Variants in AACS observed in about 807,000 individuals in gnomAD.
AACS encodes acetoacetyl-CoA synthetase, also known as acetoacetate-CoA ligase.
AACS carries 69 observed loss-of-function variants against 83.1 expected under a neutral mutation model. The ratio of observed to expected loss-of-function variants is 0.83; its 90% CI spans 0.68 to 1.01. The LOEUF (loss-of-function observed/expected upper bound fraction) is 1.01. Ranked by LOEUF, AACS falls within the 50% of genes least tolerant of loss-of-function variation. The pLI is 0.00. For synonymous variants in AACS, 333 were observed against 343.4 expected (o/e 0.97, Z 0.33); for missense variants, 866 against 882.2 (o/e 0.98, Z 0.23).
chr12:125,114,326 A>G (rs1957012064), intron 8 of AACS, 151 bp from the exon 9 acceptor site: 5 of 585,022 alleles, frequency 8.5e-6, no homozygotes, highest in East Asian at 3.1e-5. Context: ...AGTGGGGGGA[A>G]CCCTCCAAAG....
intron 3 of AACS, among the ~76,000 whole-genome samples, chr12:125,079,807 A>G (rs1039325212): frequency 6.6e-6 from 1 of 152,172 alleles, no homozygotes; most frequent in African/African-American, 2.4e-5. Context: ...CCCTAGTTCC[A>G]GAACATTTCC....
intron 17 of AACS, chr12:125,138,323 CTCTT>C (rs1420863929): frequency 2.0e-5 from 3 of 152,184 alleles, no homozygotes; most frequent in Non-Finnish European, 4.4e-5. Context: ...TTCCATCCAT[CTCTT>C]TCTTTTTCCC....
intron 3 of AACS, among the ~76,000 whole-genome samples, chr12:125,083,534 GTGGT>G (rs974316604): frequency 7.2e-5 from 11 of 151,916 alleles, no homozygotes; most frequent in African/African-American, 2.7e-4. Context: ...TTGATAACGG[GTGGT>G]TGATCGTTTT....
intron 3 of AACS, among the ~76,000 whole-genome samples, chr12:125,081,142 G>A (rs145024823): frequency 0.011 from 1,706 of 152,008 alleles, 16 homozygotes; most frequent in Middle Eastern, 0.048. Context: ...GCACGCGTGC[G>A]CCACCACACT....
chr12:125,101,524 G>A (rs985700644), intron 5 of AACS: 20 of 152,108 alleles, frequency 1.3e-4, no homozygotes, highest in Admixed American at 1.3e-4. Context: ...CCAAAATATG[G>A]GGCCACTTTG....
At chr12:125,102,828 T>C (rs773449325) in intron 6 of AACS, 35 bp downstream of exon 6, 18 of 1,594,014 alleles carry the variant, frequency 1.1e-5, no homozygotes, top group Non-Finnish European at 1.5e-5. Flanking sequence ...CCGGCATGGC[T>C]GGGTGTGTGT....
Position 125,102,691 on chromosome 12 carries a change from C to G in AACS, c.583C>G (p.Arg195Gly), listed in dbSNP as rs773498956. 6.2e-7 allele frequency: 1 copy of G among 1,613,762 alleles called. No individual in the cohort carries two copies. The highest frequency in any genetic ancestry group is 1.3e-5 in the African/African-American group (1 of 74,874). ...CTCCTGCTTTCAGGGTGTGCTGGAC[C>G]GGTTTTCTCAAATTCAGCCAAAGCT... is the stretch of plus-strand genomic sequence containing the variant. ...PDFGVNGVLD[R>G]FSQIQPKLIF... Residue 195 changes from arginine (R) to glycine (G), a missense_variant, in exon 6 of 18, where the codon CGG becomes GGG. By Grantham distance (125) the Arg-to-Gly change is moderately radical. Transcript: ENST00000316519.
intron 3 of AACS, among the ~76,000 whole-genome samples, chr12:125,079,518 A>C (rs1403274068): frequency 6.6e-6 from 1 of 151,940 alleles, no homozygotes; most frequent in African/African-American, 2.4e-5. Context: ...AGTAGCTGGG[A>C]TCACAGGCAT....
In AACS at chr12:125,124,709, A is replaced by C; in HGVS notation, c.1126A>C (p.Thr376Pro). ...LWDLVDRIGI[T>P]VLVTGAKWLS... ...TCTTTCCCGCCTGCACCCTAGCATC[A>C]CTGTCCTGGTAACTGGGGCCAAGTG... Residue 376 changes from threonine to proline, a missense_variant, in exon 11 of 18, where the codon ACT (threonine) becomes CCT (proline). Coordinates refer to ENST00000316519, the MANE Select transcript of AACS (RefSeq NM_023928.5). 1.9e-6 allele frequency: 3 copies of C among 1,613,986 alleles called. No individual in the cohort carries two copies. Among genetic ancestry groups the C allele is most frequent in the Non-Finnish European group, 1.7e-6 (2 of 1,180,022 alleles).
At chr12:125,102,619 C>T (rs1335072204) in intron 5 of AACS, 60 bp from the exon 6 acceptor site, 2 of 1,460,084 alleles carry the variant, frequency 1.4e-6, no homozygotes, top group Admixed American at 3.4e-5. Flanking sequence ...CACCCACCAC[C>T]ATGCCTGCTG....
chr12:125,108,210 C>T (rs911406164), intron 8 of AACS, among the ~76,000 whole-genome samples: 4 of 152,178 alleles, frequency 2.6e-5, no homozygotes, highest in Admixed American at 6.5e-5. Flanking sequence ...GCCCGTGCTG[C>T]GAGTCTGTTA....
chr12:125,076,400 C>T lies in AACS; in HGVS notation c.238-91C>T, dbSNP rs10082930. 2.3e-3 allele frequency: 3,582 copies of T among 1,540,852 alleles called. 58 individuals are homozygous for T. In the African/African-American group the frequency reaches 0.039, roughly 17 times the overall value. On this transcript the variant is annotated intron_variant, in intron 2 of 17. Coordinates refer to ENST00000316519, the MANE Select transcript of AACS (RefSeq NM_023928.5). The stretch of plus-strand genomic sequence containing the variant: ...GCTGGCTTCCTGGGAAGAAGAACCA[C>T]TTTTGCTGATTTGTGACATAGTCTC...
chr12:125,106,459 A>G (rs1238757692), intron 7 of AACS, among the ~76,000 whole-genome samples: 2 of 152,168 alleles, frequency 1.3e-5, no homozygotes, highest in Non-Finnish European at 2.9e-5. Flanking sequence ...GTTCTTGCAC[A>G]GATATTTGTA....
intron 3 of AACS, among the ~76,000 whole-genome samples, chr12:125,079,367 G>A (rs979065742): frequency 1.3e-5 from 2 of 152,148 alleles, no homozygotes; most frequent in Non-Finnish European, 2.9e-5. Context: ...GGACTGCTCC[G>A]TGCTCCAGCT....
chr12:125,095,017 G>C (rs74426463), intron 5 of AACS, among the ~76,000 whole-genome samples: 5,169 of 119,256 alleles, frequency 0.043, 187 homozygotes, highest in East Asian at 0.11. Context: ...GTGTGTGTGT[G>C]TGTGTGTCTG....
chr12:125,070,315 C>G (rs1270729090), intron 1 of AACS, among the ~76,000 whole-genome samples: 1 of 152,156 alleles, frequency 6.6e-6, no homozygotes, highest in African/African-American at 2.4e-5. Context: ...TAACAGGGGT[C>G]CAGCACAACA....
intron 9 of AACS, among the ~76,000 whole-genome samples, chr12:125,115,160 G>A (rs1439671646): frequency 6.6e-6 from 1 of 152,078 alleles, no homozygotes; most frequent in Non-Finnish European, 1.5e-5. Flanking sequence ...GTTAGGACAT[G>A]TTAAAGGAAG....
chr12:125,088,896 G>C (rs527356771), intron 4 of AACS, among the ~76,000 whole-genome samples: 1 of 152,298 alleles, frequency 6.6e-6, no homozygotes, highest in South Asian at 2.1e-4. Flanking sequence ...TTGGGACTTT[G>C]AGTTTTCCAG....
chr12:125,102,462 G>T, intron 5 of AACS: 1 of 483,706 alleles, frequency 2.1e-6, no homozygotes, highest in Non-Finnish European at 3.8e-6. Context: ...GGCTACTGAA[G>T]GTTTTTGCCA....
Sources: allele counts gnomAD v4.1 joint callset (sites outside exome capture counted in the v4.1 genomes callset), GRCh38; gene constraint gnomAD v4.1.1; transcripts MANE v1.5; gene names NCBI Gene and HGNC (gene_info 2026-07-23, HGNC 2026-07-21).